Variants in CSMD3 observed in about 807,000 individuals in gnomAD.
CSMD3 encodes CUB and Sushi multiple domains 3.
Under a neutral mutation model 435.2 loss-of-function variants are expected in CSMD3, and 177 were observed. That is an observed-to-expected ratio of 0.41 (90% CI 0.36 to 0.46). The LOEUF is 0.46. CSMD3 is among the 20% of genes least tolerant of loss of function. The probability of loss-of-function intolerance (pLI) is 0.34; values close to 1 mark genes in which losing one functional copy is unlikely to be tolerated. For missense variants in CSMD3, 4,265 were observed against 4,504.6 expected, an observed-to-expected ratio of 0.95 and a Z score of 1.52; for synonymous variants, 1,656 against 1,520.5, an observed-to-expected ratio of 1.09 and a Z score of -2.07.
intron 10 of CSMD3, among the ~76,000 whole-genome samples, chr8:112,875,590 C>T (rs892036704): frequency 6.6e-6 from 1 of 152,138 alleles, no homozygotes; most frequent in South Asian, 2.1e-4. Context: ...CACATAGTCC[C>T]ATATTTATTG....
chr8:112,394,955 C>G (rs1269742617), intron 35 of CSMD3, among the ~76,000 whole-genome samples: 1 of 152,154 alleles, frequency 6.6e-6, no homozygotes, highest in Admixed American at 6.6e-5. Context: ...CTGTACATAT[C>G]TTGTGCTTTC....
chr8:113,408,759 G>A (rs1389283516), intron 1 of CSMD3, among the ~76,000 whole-genome samples: 3 of 151,614 alleles, frequency 2.0e-5, no homozygotes, highest in African/African-American at 7.3e-5. Flanking sequence ...CTGGGTTCAA[G>A]GTTCAAGCGA....
At chr8:112,572,634 G>T (rs1829623853) in intron 24 of CSMD3, among the ~76,000 whole-genome samples, 1 of 151,994 alleles carries the variant, frequency 6.6e-6, no homozygotes, top group Non-Finnish European at 1.5e-5. Flanking sequence ...TAGCAATAAA[G>T]ATTTCTGAGT....
chr8:113,048,314 C>G (rs1335921715), intron 5 of CSMD3, among the ~76,000 whole-genome samples: 1 of 152,022 alleles, frequency 6.6e-6, no homozygotes, highest in Non-Finnish European at 1.5e-5. Flanking sequence ...AGGCTGGTCT[C>G]CATCTCCTGA....
At chr8:112,951,844 T>G (rs937833234) in intron 8 of CSMD3, among the ~76,000 whole-genome samples, 1 of 151,392 alleles carries the variant, frequency 6.6e-6, no homozygotes, top group African/African-American at 2.4e-5. Flanking sequence ...CACAATAATA[T>G]TCTAGAGGAG....
intron 53 of CSMD3, among the ~76,000 whole-genome samples, chr8:112,298,066 C>CAAAAA (rs35232021): frequency 1.5e-4 from 14 of 93,572 alleles, no homozygotes; most frequent in Admixed American, 5.2e-4. Context: ...TGCCATTGCA[C>CAAAAA]AAAAAAAAAA....
chr8:113,186,829 C>A (rs1164459986), intron 3 of CSMD3, among the ~76,000 whole-genome samples: 1 of 151,940 alleles, frequency 6.6e-6, no homozygotes, highest in Non-Finnish European at 1.5e-5. Context: ...AGTCCCAAGT[C>A]CTCGTAGTTG....
chr8:113,044,833 G>T (rs1007072293), intron 5 of CSMD3, among the ~76,000 whole-genome samples: 1 of 148,616 alleles, frequency 6.7e-6, no homozygotes, highest in African/African-American at 2.4e-5. Context: ...TATTTCTTTT[G>T]TCTGAAAAGA....
At chr8:113,023,543 G>A (rs138192391) in intron 5 of CSMD3, among the ~76,000 whole-genome samples, 255 of 152,142 alleles carry the variant, frequency 1.7e-3, no homozygotes, top group South Asian at 2.1e-3. Context: ...GACCTTGTTA[G>A]ATTATGGCCC....
chr8:112,368,353 A>C (rs1055989812), intron 38 of CSMD3, among the ~76,000 whole-genome samples: 2 of 152,180 alleles, frequency 1.3e-5, no homozygotes, highest in Non-Finnish European at 1.5e-5. Context: ...CAAATACTTG[A>C]GTGAATCTCA....
chr8:112,790,679 C>A (rs952668333), intron 13 of CSMD3, among the ~76,000 whole-genome samples: 4 of 152,046 alleles, frequency 2.6e-5, no homozygotes, highest in Admixed American at 1.3e-4. Flanking sequence ...AAAAAAAGAA[C>A]AAACCTTCAA....
chr8:112,266,851 A>T (rs1816998338), intron 59 of CSMD3, among the ~76,000 whole-genome samples: 1 of 152,220 alleles, frequency 6.6e-6, no homozygotes, highest in South Asian at 2.1e-4. Flanking sequence ...TTGGCTAAAA[A>T]ACTTTCTACC....
intron 4 of CSMD3, among the ~76,000 whole-genome samples, chr8:113,120,636 A>C (rs2090959888): frequency 6.6e-6 from 1 of 152,168 alleles, no homozygotes; most frequent in African/African-American, 2.4e-5. Context: ...AAAACTTACT[A>C]TAGCCAAAAT....
intron 13 of CSMD3, among the ~76,000 whole-genome samples, chr8:112,699,470 A>G (rs913175689): frequency 2.0e-5 from 3 of 152,210 alleles, no homozygotes; most frequent in Non-Finnish European, 4.4e-5. Context: ...AAGTGGGGAA[A>G]AAAAGAGAAA....
At chr8:112,875,049 C>G (rs1168711755) in intron 10 of CSMD3, among the ~76,000 whole-genome samples, 1 of 152,106 alleles carries the variant, frequency 6.6e-6, no homozygotes, top group Admixed American at 6.6e-5. Flanking sequence ...TTTGCAGTGG[C>G]TGGTACTGGT....
At chr8:112,262,942 C>A (rs567009126) in intron 61 of CSMD3, among the ~76,000 whole-genome samples, 1 of 152,104 alleles carries the variant, frequency 6.6e-6, no homozygotes. Flanking sequence ...TAGAGTCCTC[C>A]TCTATCCCAT....
chr8:113,310,924 T>A (rs922000654), intron 2 of CSMD3: 1 of 151,920 alleles, frequency 6.6e-6, no homozygotes, highest in Admixed American at 6.6e-5. Flanking sequence ...AATGCTTACA[T>A]AAAATGATTA....
chr8:112,984,238 G>C (rs1450145686), intron 6 of CSMD3, among the ~76,000 whole-genome samples: 1 of 151,622 alleles, frequency 6.6e-6, no homozygotes, highest in Non-Finnish European at 1.5e-5. Flanking sequence ...TTTCTTATGT[G>C]ATTATTATGC....
At chr8:113,243,927 C>G (rs886841649) in intron 3 of CSMD3, among the ~76,000 whole-genome samples, 1 of 152,078 alleles carries the variant, frequency 6.6e-6, no homozygotes, top group Non-Finnish European at 1.5e-5. Flanking sequence ...GTATTGAAAA[C>G]TTTGCCCATA....
Sources: gnomAD v4.1 joint callset for allele counts (sites outside exome capture counted in the v4.1 genomes callset) on GRCh38, gnomAD v4.1.1 for gene constraint, MANE v1.5 for transcripts, NCBI Gene and HGNC (gene_info 2026-07-23, HGNC 2026-07-21) for gene names.